The following PLEKHG6 variants were observed in gnomAD, a reference collection of about 807,000 sequenced individuals.
The protein encoded by PLEKHG6 is pleckstrin homology domain-containing family G member 6.
A neutral mutation model predicts 97.5 loss-of-function variants in PLEKHG6; 91 were observed. The observed-to-expected ratio is 0.93, with a 90% CI of 0.79 to 1.11. The LOEUF (loss-of-function observed/expected upper bound fraction) is 1.11, where lower values mean the gene tolerates loss of function less well. Ranked by LOEUF, PLEKHG6 falls within the 50% of genes most tolerant of loss-of-function variation. The pLI is 0.00. For synonymous variants in PLEKHG6, 466 were observed against 425.5 expected (o/e 1.10, Z -1.17); for missense variants, 1,044 against 1,031.0 (o/e 1.01, Z -0.17).
rs1046711548 is a variant in PLEKHG6 at position 6,327,581 on chromosome 12, C to G, written c.1998C>G (p.Thr666=). 6.3e-7 allele frequency: 1 copy of G among 1,595,138 alleles called. No individual in the cohort carries two copies. The highest frequency in any genetic ancestry group is 8.5e-7 in the Non-Finnish European group (1 of 1,171,162). The change falls in exon 15 of 16, where the codon ACC becomes ACG. Residue 666 remains threonine (T), a synonymous_variant. Transcript: ENST00000684764. ...GGSLPQEDPP[T]WSEEEDGASE... The stretch of plus-strand genomic sequence containing the variant: ...GTCTTCCCCAGGAAGACCCACCAAC[C>G]TGGTCTGAGGAAGAAGATGGGGCCT...
chr12:6,312,526 GC>G, intron 2 of PLEKHG6, 162 bp downstream of exon 2: 1 of 1,113,296 alleles, frequency 9.0e-7, no homozygotes, highest in Non-Finnish European at 1.2e-6. Context: ...CAGTGACAGG[GC>G]CAGGCTCCAG....
chr12:6,311,694 T>C (rs1432576558), intron 1 of PLEKHG6, among the ~76,000 whole-genome samples: 1 of 152,162 alleles, frequency 6.6e-6, no homozygotes, highest in Non-Finnish European at 1.5e-5. Context: ...GTACAAAAAC[T>C]GGTGGCAGAC....
Position 6,327,590 on chromosome 12 carries a change from G to A in PLEKHG6, c.2007G>A (p.Glu669=), listed in dbSNP as rs139084949. The change falls in exon 15 of 16, where the codon GAG becomes GAA. Residue 669 remains glutamate (E), a synonymous_variant. Transcript: ENST00000684764. ...LPQEDPPTWS[E]EEDGASERGN... ...AGGAAGACCCACCAACCTGGTCTGA[G>A]GAAGAAGATGGGGCCTCCGAGCGAG... is the stretch of plus-strand genomic sequence containing the variant. 1.0e-3 allele frequency: 1,597 copies of A among 1,590,718 alleles called. 4 individuals carry two copies. The highest frequency in any genetic ancestry group is 3.6e-3 in the Middle Eastern group (22 of 6,028).
In PLEKHG6 at chr12:6,315,801, G is replaced by C. The variant is rs572004189; in HGVS notation, c.556-68G>C. On this transcript the variant is annotated intron_variant, in intron 5 of 15. Transcript: ENST00000684764. The surrounding 1 kb of genome is among the most constrained non-coding windows in gnomAD (Gnocchi z 4.5). ...ATAGGTCAGCAGTACTGAAGTTGGT[G>C]GGGGGTGGGAGGTGACGACACTGAA... is the stretch of plus-strand genomic sequence containing the variant. 2 of 1,378,714 alleles carry C rather than the reference G, an allele frequency of 1.5e-6. No homozygotes were observed. The highest frequency in any genetic ancestry group is 1.3e-5 in the South Asian group (1 of 76,094). The allele number at this position is 1,378,714 out of a possible 1,614,324, so 85.4% of individuals were successfully genotyped here.
In PLEKHG6 at chr12:6,316,459, G is replaced by T; in HGVS notation, c.756+55G>T. 1.3e-6 allele frequency: 2 copies of T among 1,485,260 alleles called. No individual in the cohort carries two copies. The highest frequency in any genetic ancestry group is 1.4e-5 in the African/African-American group (1 of 71,688). The allele number at this position is 1,485,260 out of a possible 1,614,324, so 92.0% of individuals were successfully genotyped here. On this transcript the variant is annotated intron_variant, in intron 7 of 15. Coordinates refer to ENST00000684764, the MANE Select transcript of PLEKHG6 (RefSeq NM_001384598.1). The surrounding 1 kb of genome is among the most constrained non-coding windows in gnomAD (Gnocchi z 4.1). ...GGGGCAGGACTCGGAGCCCTCGGGG[G>T]TCCTGTGTGTAGGGCATGCCCACAG... is the stretch of plus-strand genomic sequence containing the variant.
At chr12:6,325,185 C>T (rs572178783) in intron 13 of PLEKHG6, among the ~76,000 whole-genome samples, 28 of 152,094 alleles carry the variant, frequency 1.8e-4, no homozygotes, top group Non-Finnish European at 4.1e-4. Context: ...CTCCCCCTCC[C>T]CCTCCCCAAG....
In PLEKHG6 at chr12:6,318,082, A is replaced by C. The variant is rs962111214; in HGVS notation, c.1155+88A>C. 2.1e-6 allele frequency: 3 copies of C among 1,446,842 alleles called. No homozygotes were observed. The African/African-American group carries it at 4.2e-5, about 20-fold the overall frequency. The allele number at this position is 1,446,842 out of a possible 1,614,324, so 89.6% of individuals were successfully genotyped here. A position where few individuals can be genotyped will look rare whatever the true frequency, so the allele number is the denominator to read the frequency against. ...GGGCTGCAAGGCCAGAACACCCCGT[A>C]CTTGGGTGCTACAAGGGTGTCCATC... On this transcript the variant is annotated intron_variant, in intron 10 of 15. Coordinates refer to ENST00000684764, the MANE Select transcript of PLEKHG6 (RefSeq NM_001384598.1).
Position 6,327,554 on chromosome 12 carries a change from C to G in PLEKHG6, c.1971C>G (p.Gly657=). 1 of 1,559,348 alleles carries G rather than the reference C, an allele frequency of 6.4e-7. No individual in the cohort carries two copies. The highest frequency in any genetic ancestry group is 8.7e-7 in the Non-Finnish European group (1 of 1,147,952). Residue 657 remains glycine, a synonymous_variant, in exon 15 of 16, where the codon GGC becomes GGG. Transcript: ENST00000684764. ...TGCCGGAAGGAATCCTAAAAGGAGG[C>G]AGTCTTCCCCAGGAAGACCCACCAA... ...PELPEGILKG[G]SLPQEDPPTW...
chr12:6,318,222 C>A, intron 10 of PLEKHG6, 79 bp from the exon 11 acceptor site: 1 of 1,596,922 alleles, frequency 6.3e-7, no homozygotes, highest in South Asian at 1.1e-5. Flanking sequence ...GTGTTGGTGG[C>A]AGAACCAGGA....
At position 6,327,663 on chromosome 12, in the gene PLEKHG6, C is replaced by A; in HGVS notation, c.2080C>A (p.Leu694Ile). The A allele has an allele frequency of 6.4e-7, 1 of 1,559,988 alleles. No individual in the cohort carries two copies. Among genetic ancestry groups the A allele is most frequent in the Non-Finnish European group, 8.7e-7 (1 of 1,148,016 alleles). Residue 694 changes from leucine (L) to isoleucine (I), a missense_variant, in exon 15 of 16, where the codon CTT (leucine) becomes ATT (isoleucine). Physicochemically the swap from Leu to Ile is conservative, Grantham distance 5. Coordinates refer to ENST00000684764, the MANE Select transcript of PLEKHG6 (RefSeq NM_001384598.1). ...TLHRARLRGQ[L>I]PSSPTHADSA... ...CCACAGGGCCCGGCTTCGGGGCCAGCTTCCCTCCTCCCCAACCCATGCTGA... is the reference window on the plus strand; with the variant it reads ...CCACAGGGCCCGGCTTCGGGGCCAGATTCCCTCCTCCCCAACCCATGCTGA...
chr12:6,313,327 C>G (rs2136719504), intron 2 of PLEKHG6: 1 of 858,104 alleles, frequency 1.2e-6, no homozygotes, highest in African/African-American at 1.7e-5. Flanking sequence ...GGCACACACA[C>G]CAGAGCCCAG....
chr12:6,314,491 G>A (rs1209045820), intron 3 of PLEKHG6, among the ~76,000 whole-genome samples: 1 of 151,882 alleles, frequency 6.6e-6, no homozygotes, highest in South Asian at 2.1e-4. Flanking sequence ...TGGGTGACAA[G>A]AGCAAAACTC....
intron 1 of PLEKHG6, among the ~76,000 whole-genome samples, chr12:6,311,770 T>C (rs2136710316): frequency 6.6e-6 from 1 of 151,840 alleles, no homozygotes; most frequent in African/African-American, 2.4e-5. Flanking sequence ...TCCAGCTTTT[T>C]CCCAAGCTTT....
In PLEKHG6 at chr12:6,328,352, G is replaced by A. The variant is rs1947948949; in HGVS notation, c.*207G>A. The A allele has an allele frequency of 1.7e-5, 9 of 541,762 alleles. No homozygotes were observed. Among genetic ancestry groups the A allele is most frequent in the Middle Eastern group, 3.0e-4 (1 of 3,340 alleles). 33.6% of individuals were successfully genotyped at this position (541,762 alleles called of 1,614,324 possible). A position where few individuals can be genotyped will look rare whatever the true frequency, so the allele number is the denominator to read the frequency against. On this transcript the variant is annotated 3_prime_UTR_variant, in exon 16 of 16. Coordinates refer to ENST00000684764, the MANE Select transcript of PLEKHG6 (RefSeq NM_001384598.1). ...GTGCACCTGAGCCCCACAGAAAGTT[G>A]TGCATAAAAATGACTGCCCTGGCTG...
chr12:6,315,155 G>A lies in PLEKHG6; in HGVS notation c.445G>A (p.Val149Met), dbSNP rs1207905158. 1 of 1,611,248 alleles carries A rather than the reference G, an allele frequency of 6.2e-7. No homozygotes were observed. The highest frequency in any genetic ancestry group is 1.7e-5 in the Admixed American group (1 of 59,848). The change falls in exon 4 of 16, where the codon GTG becomes ATG. Residue 149 changes from valine to methionine, a missense_variant. By Grantham distance (21) the Val-to-Met change is conservative. Transcript: ENST00000684764. The surrounding 1 kb of genome is among the most constrained non-coding windows in gnomAD (Gnocchi z 4.5). ...CATCGAGAAGTCCTGGAGGGAGCTGGTGCCTGGGCACAAGGTGAGCCTGAA... is the reference window on the plus strand; with the variant it reads ...CATCGAGAAGTCCTGGAGGGAGCTGATGCCTGGGCACAAGGTGAGCCTGAA... Reference protein sequence around the residue: ...LTIEKSWRELVPGHKEMSQEL... With the variant: ...LTIEKSWRELMPGHKEMSQEL...
chr12:6,318,096 A>G, intron 10 of PLEKHG6, 102 bp downstream of exon 10: 2 of 1,415,990 alleles, frequency 1.4e-6, no homozygotes, highest in Admixed American at 2.3e-5. Context: ...GGGTGCTACA[A>G]GGGTGTCCAT....
intron 13 of PLEKHG6, among the ~76,000 whole-genome samples, chr12:6,326,165 C>T (rs533892774): frequency 5.9e-4 from 90 of 152,154 alleles, no homozygotes; most frequent in African/African-American, 2.0e-3. Context: ...ATTAGCCGGG[C>T]ACGTTGGCGG....
chr12:6,317,478 T>G (rs918176301), intron 8 of PLEKHG6, 65 bp downstream of exon 8: 8 of 1,611,850 alleles, frequency 5.0e-6, no homozygotes, highest in Non-Finnish European at 6.8e-6. Flanking sequence ...CAGCTGAGCC[T>G]GAGGCTGAGT....
At chr12:6,318,941 G>C in intron 12 of PLEKHG6, 52 bp from the exon 13 acceptor site, 1 of 1,612,278 alleles carries the variant, frequency 6.2e-7, no homozygotes, top group Non-Finnish European at 8.5e-7. Flanking sequence ...GGAGGAGCTG[G>C]GACGGAGATC....
Sources: allele counts gnomAD v4.1 joint callset (sites outside exome capture counted in the v4.1 genomes callset), GRCh38; gene constraint gnomAD v4.1.1; non-coding constraint Gnocchi (gnomAD v3.1); transcripts MANE v1.5; gene names NCBI Gene and HGNC (gene_info 2026-07-23, HGNC 2026-07-21).